Variants in PIWIL2 observed in about 807,000 individuals in gnomAD.
PIWIL2 encodes piwi-like protein 2.
Under a neutral mutation model 116.5 loss-of-function variants are expected in PIWIL2, and 81 were observed. The observed-to-expected ratio is 0.70, with a 90% confidence interval of 0.58 to 0.84. The LOEUF (loss-of-function observed/expected upper bound fraction) is 0.84, where lower values mean the gene tolerates loss of function less well. PIWIL2 is among the 40% of genes least tolerant of loss of function. The pLI is 0.00. For synonymous variants in PIWIL2, 489 were observed against 429.5 expected (o/e 1.14, Z -1.71); for missense variants, 1,272 against 1,212.3 (o/e 1.05, Z -0.73).
At chr8:22,346,849 C>T (rs1028309461) in intron 20 of PIWIL2, among the ~76,000 whole-genome samples, 2 of 151,972 alleles carry the variant, frequency 1.3e-5, no homozygotes, top group African/African-American at 4.8e-5. Flanking sequence ...GTGTTTGAGA[C>T]CAGCTTGGGC....
At chr8:22,278,350 T>C (rs1236565403) in intron 1 of PIWIL2, among the ~76,000 whole-genome samples, 1 of 152,000 alleles carries the variant, frequency 6.6e-6, no homozygotes, top group Non-Finnish European at 1.5e-5. Context: ...CAAGACCCCG[T>C]CTGTACAAAA....
In PIWIL2 at chr8:22,281,222, A is replaced by G; in HGVS notation, c.286+15A>G. On this transcript the variant is annotated intron_variant, in intron 3 of 22. Transcript: ENST00000356766. ...GCTTCCATCAGGTATGTGGAAAACTAACTTGAGAAATTTGGTGGTATGTAT... is the reference window on the plus strand; with the variant it reads ...GCTTCCATCAGGTATGTGGAAAACTGACTTGAGAAATTTGGTGGTATGTAT... 6.3e-7 allele frequency: 1 copy of G among 1,589,438 alleles called. No individual in the cohort carries two copies. The highest frequency in any genetic ancestry group is 2.2e-5 in the East Asian group (1 of 44,774).
At chr8:22,303,691 G>C (rs1163641573) in intron 10 of PIWIL2, among the ~76,000 whole-genome samples, 1 of 152,110 alleles carries the variant, frequency 6.6e-6, no homozygotes, top group Non-Finnish European at 1.5e-5. Flanking sequence ...ATCATGCCTG[G>C]TAGGCCTATA....
intron 10 of PIWIL2, among the ~76,000 whole-genome samples, chr8:22,297,974 T>G (rs1451907350): frequency 1.3e-5 from 2 of 152,110 alleles, no homozygotes; most frequent in East Asian, 3.8e-4. Flanking sequence ...AAAACAGAAT[T>G]GACTGGGTGC....
At chr8:22,307,477 T>TC (rs1563379329) in intron 13 of PIWIL2, among the ~76,000 whole-genome samples, 1 of 38,562 alleles carries the variant, frequency 2.6e-5, no homozygotes, top group Non-Finnish European at 7.1e-5. Context: ...TTATTCATTT[T>TC]TTTTTTTTTT....
At chr8:22,348,168 G>A (rs1373005205) in intron 20 of PIWIL2, among the ~76,000 whole-genome samples, 1 of 152,014 alleles carries the variant, frequency 6.6e-6, no homozygotes, top group East Asian at 1.9e-4. Flanking sequence ...GGGCATGATG[G>A]CGGGTGTCTG....
intron 10 of PIWIL2, among the ~76,000 whole-genome samples, chr8:22,301,037 A>T (rs1466154078): frequency 6.6e-6 from 1 of 151,834 alleles, no homozygotes; most frequent in African/African-American, 2.4e-5. Flanking sequence ...TGGAGCGCAG[A>T]GGTGCAGTCA....
chr8:22,300,220 G>C (rs1413895532), intron 10 of PIWIL2, among the ~76,000 whole-genome samples: 4 of 152,154 alleles, frequency 2.6e-5, no homozygotes, highest in Non-Finnish European at 5.9e-5. Context: ...ATAGGCATAA[G>C]GGGGGCGAGG....
At chr8:22,341,242 G>T (rs1021817442) in intron 20 of PIWIL2, among the ~76,000 whole-genome samples, 6 of 151,068 alleles carry the variant, frequency 4.0e-5, no homozygotes, top group African/African-American at 1.5e-4. Flanking sequence ...TAAAGAAGAA[G>T]AATCATATGA....
chr8:22,290,613 A>ATTTTTTTTT (rs34573190), intron 10 of PIWIL2, among the ~76,000 whole-genome samples: 17 of 114,098 alleles, frequency 1.5e-4, no homozygotes, highest in South Asian at 3.0e-4. Flanking sequence ...CCAATTTTTA[A>ATTTTTTTTT]TTTTTTTTTT....
At position 22,309,374 on chromosome 8, in the gene PIWIL2, C is replaced by G. The variant is rs1312676271; in HGVS notation, c.1687-587C>G. On this transcript the variant is annotated intron_variant, in intron 14 of 22. Coordinates refer to ENST00000356766, the MANE Select transcript of PIWIL2 (RefSeq NM_018068.5). ...AAGTTTTTTTGAGACAGAGTCTTGC[C>G]CTGTCACCCAGGCTGGAGTGCAGTG... Among the ~76,000 whole-genome samples, 19 of 151,808 alleles carry G rather than the reference C, an allele frequency of 1.3e-4. 1 individual carries two copies. Among genetic ancestry groups the G allele is most frequent in the Admixed American group, 1.2e-3 (19 of 15,208 alleles).
intron 4 of PIWIL2, 66 bp from the exon 5 acceptor site, chr8:22,282,968 G>A: frequency 8.3e-7 from 1 of 1,210,036 alleles, no homozygotes; most frequent in South Asian, 1.2e-5. Flanking sequence ...TGGAGTTGGG[G>A]GAATAATCTG....
chr8:22,279,343 A>G lies in PIWIL2; in HGVS notation c.-44A>G. 7.0e-7 allele frequency: 1 copy of G among 1,426,080 alleles called. No homozygotes were observed. Among genetic ancestry groups the G allele is most frequent in the Non-Finnish European group, 9.9e-7 (1 of 1,009,014 alleles). The allele number at this position is 1,426,080 out of a possible 1,614,324, so 88.3% of individuals were successfully genotyped here. ...TAATCTTTTGAAAATGATGGCAGGT[A>G]ATTAACCAGAACAGGATCGACACGT... is the stretch of plus-strand genomic sequence containing the variant. On this transcript the variant is annotated splice_region_variant and 5_prime_UTR_variant, in exon 2 of 23. Transcript: ENST00000356766.
chr8:22,334,482 A>G (rs1178804547), intron 20 of PIWIL2, among the ~76,000 whole-genome samples: 1 of 150,746 alleles, frequency 6.6e-6, no homozygotes, highest in Non-Finnish European at 1.5e-5. Context: ...AGATCTTGCC[A>G]CTGCACTCCA....
intron 20 of PIWIL2, among the ~76,000 whole-genome samples, chr8:22,322,438 A>G (rs1045502171): frequency 4.0e-5 from 6 of 151,854 alleles, no homozygotes; most frequent in African/African-American, 1.5e-4. Flanking sequence ...TTTTGTAGAG[A>G]CAGAGGGTCA....
At chr8:22,285,566 G>A (rs1187881677) in intron 6 of PIWIL2, among the ~76,000 whole-genome samples, 2 of 151,942 alleles carry the variant, frequency 1.3e-5, no homozygotes, top group African/African-American at 2.4e-5. Flanking sequence ...CAATTCCTTT[G>A]GATAAATACC....
chr8:22,300,618 G>T (rs1454586194), intron 10 of PIWIL2, among the ~76,000 whole-genome samples: 1 of 152,192 alleles, frequency 6.6e-6, no homozygotes, highest in East Asian at 1.9e-4. Flanking sequence ...ATTCCCACTA[G>T]CAGTGCCTGA....
Position 22,314,424 on chromosome 8 carries a change from TC to T in PIWIL2, c.2089del (p.Gln697ArgfsTer40). 1 of 1,550,702 alleles carries T rather than the reference TC, an allele frequency of 6.4e-7. No homozygotes were observed. The highest frequency in any genetic ancestry group is 1.9e-5 in the Admixed American group (1 of 52,494). On this transcript the variant is annotated frameshift_variant, in exon 17 of 23. Transcript: ENST00000356766. LOFTEE classifies it high-confidence loss of function. ...KLCCVQSPVP[S>X]QVVNVRTIGQ... ...GTGCTGTGTGCAGTCCCCAGTGCCC[TC>T]CCAGGTGAGTGGGTGTTGGGGCAGG...
intron 10 of PIWIL2, among the ~76,000 whole-genome samples, chr8:22,301,019 C>G (rs1448035482): frequency 6.6e-6 from 1 of 151,184 alleles, no homozygotes; most frequent in Non-Finnish European, 1.5e-5. Flanking sequence ...GAGTCTTGCT[C>G]TGTTGGCTGG....
Sources: gnomAD v4.1 joint callset for allele counts (sites outside exome capture counted in the v4.1 genomes callset) on GRCh38, gnomAD v4.1.1 for gene constraint, MANE v1.5 for transcripts, NCBI Gene and HGNC (gene_info 2026-07-23, HGNC 2026-07-21) for gene names.